PEX1: variants seen among roughly 807,000 people sequenced by gnomAD.
The protein encoded by PEX1 is peroxisomal ATPase PEX1.
Under a neutral mutation model 152.5 loss-of-function variants are expected in PEX1, and 97 were observed. The observed-to-expected ratio is 0.64, with a 90% CI of 0.54 to 0.75. The LOEUF (loss-of-function observed/expected upper bound fraction) is 0.75, where lower values mean the gene tolerates loss of function less well. PEX1 is among the 30% of genes least tolerant of loss of function. PEX1 has a pLI of 0.00. For synonymous variants in PEX1, 485 were observed against 531.6 expected (o/e 0.91, Z 1.21); for missense variants, 1,357 against 1,516.3 (o/e 0.89, Z 1.74).
chr7:92,493,523 C>T (rs993032929), intron 19 of PEX1: 1 of 158,768 alleles, frequency 6.3e-6, no homozygotes, highest in East Asian at 1.8e-4. Flanking sequence ...CCTGTGGTCC[C>T]AGCTACTCGG....
chr7:92,487,781 G>A (rs577866395), intron 23 of PEX1, among the ~76,000 whole-genome samples: 80 of 151,124 alleles, frequency 5.3e-4, no homozygotes, highest in African/African-American at 1.9e-3. Flanking sequence ...AAATGACAAT[G>A]AATAATATGA....
chr7:92,509,216 T>C, intron 9 of PEX1, 113 bp downstream of exon 9: 1 of 739,608 alleles, frequency 1.4e-6, no homozygotes, highest in Admixed American at 2.0e-5. Context: ...TACTGATGCA[T>C]TATTAAGATC....
In PEX1 at chr7:92,511,710, GA is replaced by G; in HGVS notation, c.1360-8del. ...CTTCACTTATGTCTTTAGGCTGCCA[GA>G]AAAAGGAATAGTAATGAATTATCCT... On this transcript the variant is annotated splice_region_variant and splice_polypyrimidine_tract_variant and intron_variant, in intron 6 of 23. Transcript: ENST00000248633. 1 of 1,609,404 alleles carries G rather than the reference GA, an allele frequency of 6.2e-7. No homozygotes were observed. The highest frequency in any genetic ancestry group is 8.5e-7 in the Non-Finnish European group (1 of 1,177,810).
Position 92,528,447 on chromosome 7 carries a change from G to T in PEX1, c.-12C>A, listed in dbSNP as rs1307975412. 2.5e-5 allele frequency: 40 copies of T among 1,574,814 alleles called. No individual in the cohort carries two copies. Among genetic ancestry groups the T allele is most frequent in the Non-Finnish European group, 3.3e-5 (38 of 1,162,548 alleles). ...TCGCTGCCCCACATCGTCCCGGAGC[G>T]TCGCTCTGGGTTCGCCCACCCTAGC... On this transcript the variant is annotated 5_prime_UTR_variant, in exon 1 of 24. Transcript: ENST00000248633.
rs10269874 is a variant in PEX1, at chr7:92,499,521, G to T, written c.2718+183C>A. On this transcript the variant is annotated intron_variant, in intron 16 of 23. Transcript: ENST00000248633. The stretch of plus-strand genomic sequence containing the variant: ...AAATCCATAGAGACAAAAAGCAGAT[G>T]AATGGTTGCCAGGGGATAAGCAAGA... Among the ~76,000 whole-genome samples, 19,278 of 152,124 alleles carry T rather than the reference G, an allele frequency of 0.13. 1,266 individuals carry two copies. The highest frequency in any genetic ancestry group is 0.15 in the African/African-American group (6,349 of 41,488).
chr7:92,503,404 G>C (rs1222866662), intron 12 of PEX1, among the ~76,000 whole-genome samples: 4 of 152,096 alleles, frequency 2.6e-5, no homozygotes, highest in African/African-American at 9.7e-5. Flanking sequence ...GGAGACACAA[G>C]AGGTACTGCA....
intron 20 of PEX1, among the ~76,000 whole-genome samples, chr7:92,492,285 A>T (rs78519250): frequency 0.013 from 1,904 of 152,246 alleles, 50 homozygotes; most frequent in African/African-American, 0.044. Flanking sequence ...CTAGGACTAC[A>T]GGTATGTGCC....
Position 92,489,274 on chromosome 7 carries a change from A to G in PEX1, c.3767+19T>C. The G allele has an allele frequency of 1.9e-6, 3 of 1,609,728 alleles. No individual in the cohort carries two copies. The highest frequency in any genetic ancestry group is 2.6e-6 in the Non-Finnish European group (3 of 1,176,334). Reference sequence around the variant, plus strand: ...CTTGTAATAGTAGCTGTACTTCCAAAACAGAATCTGTTACTTACAGCTCAG... The same window carrying G: ...CTTGTAATAGTAGCTGTACTTCCAAGACAGAATCTGTTACTTACAGCTCAG... On this transcript the variant is annotated intron_variant, in intron 23 of 23. Transcript: ENST00000248633.
At chr7:92,524,609 C>T (rs879261334) in intron 1 of PEX1, among the ~76,000 whole-genome samples, 5 of 152,140 alleles carry the variant, frequency 3.3e-5, no homozygotes, top group Non-Finnish European at 5.9e-5. Context: ...ATGTTGGAGC[C>T]ACTTCTGGGA....
intron 23 of PEX1, among the ~76,000 whole-genome samples, chr7:92,488,921 A>G: frequency 6.6e-6 from 1 of 152,108 alleles, no homozygotes; most frequent in South Asian, 2.1e-4. Context: ...TTTAGTAGAG[A>G]TGGGGTTTCC....
At position 92,489,724 on chromosome 7, in the gene PEX1, C is replaced by T; in HGVS notation, c.3626G>A (p.Ser1209Asn). 6.2e-7 allele frequency: 1 copy of T among 1,613,854 alleles called. No individual in the cohort carries two copies. The highest frequency in any genetic ancestry group is 1.3e-5 in the African/African-American group (1 of 75,040). Reference protein sequence around the residue: ...DISIIKGRYRSQSGEDESMNQ... With the variant: ...DISIIKGRYRNQSGEDESMNQ... Reference sequence around the variant, plus strand: ...GGGAAAAAGCCATACTCCACTTTGGCTCCGGTATCTGCCTTTGATAATACT... The same window carrying T: ...GGGAAAAAGCCATACTCCACTTTGGTTCCGGTATCTGCCTTTGATAATACT... Residue 1209 changes from serine to asparagine, a missense_variant, in exon 22 of 24, where the codon AGC becomes AAC. Transcript: ENST00000248633.
At chr7:92,504,554 C>T (rs1321918163) in intron 12 of PEX1, among the ~76,000 whole-genome samples, 178 bp downstream of exon 12, 1 of 152,152 alleles carries the variant, frequency 6.6e-6, no homozygotes, top group East Asian at 1.9e-4. Context: ...ACTGTTTTTA[C>T]TCTACCAATT....
intron 12 of PEX1, among the ~76,000 whole-genome samples, chr7:92,504,373 GC>G (rs1792078246): frequency 6.6e-6 from 1 of 151,950 alleles, no homozygotes; most frequent in Non-Finnish European, 1.5e-5. Context: ...ATCGTTCTGC[GC>G]TAATACTGTT....
intron 15 of PEX1, among the ~76,000 whole-genome samples, chr7:92,500,348 A>T (rs945128967): frequency 7.9e-5 from 12 of 152,312 alleles, no homozygotes; most frequent in African/African-American, 2.4e-4. Flanking sequence ...GCCAAACATG[A>T]GGCTACTGTC....
chr7:92,489,104 A>C (rs1271253379), intron 23 of PEX1, among the ~76,000 whole-genome samples, 189 bp downstream of exon 23: 1 of 152,106 alleles, frequency 6.6e-6, no homozygotes, highest in Non-Finnish European at 1.5e-5. Flanking sequence ...GTTAATGAAA[A>C]CTCAATTTTG....
At chr7:92,502,196 TTGTC>T in intron 13 of PEX1, 117 bp from the exon 14 acceptor site, 2 of 725,416 alleles carry the variant, frequency 2.8e-6, no homozygotes, top group African/African-American at 1.8e-5. Context: ...AAATTGGTAG[TTGTC>T]TGGGGATGGA....
Position 92,528,390 on chromosome 7 carries a change from C to A in PEX1, c.46G>T (p.Ala16Ser), listed in dbSNP as rs1361686239. Residue 16 changes from alanine (A) to serine (S), a missense_variant, in exon 1 of 24, where the codon GCA becomes TCA. Ala to Ser is a moderately conservative substitution (Grantham distance 99, BLOSUM62 1). Transcript: ENST00000248633. Reference sequence around the variant, plus strand: ...GCGTTGGTGAAGGCCACAGTCACTGCCGCCCCGCCTCCCCCAGCACCCGCC... The same window carrying A: ...GCGTTGGTGAAGGCCACAGTCACTGACGCCCCGCCTCCCCCAGCACCCGCC... ...RLAGAGGGGA[A>S]VTVAFTNARD... The A allele has an allele frequency of 6.3e-7, 1 of 1,593,018 alleles. No homozygotes were observed. The highest frequency in any genetic ancestry group is 1.3e-5 in the African/African-American group (1 of 74,742).
rs775421085 is a variant in PEX1, at chr7:92,499,776, C to A, written c.2646G>T (p.Pro882=). Residue 882 remains proline, a synonymous_variant, in exon 16 of 24, where the codon CCG becomes CCT. Coordinates refer to ENST00000248633, the MANE Select transcript of PEX1 (RefSeq NM_000466.3). ...RQRTGILLYG[P]PGTGKTLLAG... ...CTAGTAAGGTTTTTCCTGTTCCAGG[C>A]GGACCATACAACAGTATTCCTGTTC... 1.1e-5 allele frequency: 18 copies of A among 1,611,934 alleles called. 1 individual carries two copies. In the South Asian group the frequency reaches 1.5e-4, roughly 14 times the overall value.
intron 17 of PEX1, among the ~76,000 whole-genome samples, chr7:92,495,740 CA>C (rs1791623264): frequency 6.6e-6 from 1 of 151,912 alleles, no homozygotes; most frequent in East Asian, 1.9e-4. Context: ...ACTCGGTGTT[CA>C]AAAAATAAAT....
Sources: allele counts gnomAD v4.1 joint callset (sites outside exome capture counted in the v4.1 genomes callset), GRCh38; gene constraint gnomAD v4.1.1; transcripts MANE v1.5; gene names NCBI Gene and HGNC (gene_info 2026-07-23, HGNC 2026-07-21).